EVC2: variants seen among roughly 807,000 people sequenced by gnomAD.
EVC2 encodes the protein limbin.
In EVC2, 148 loss-of-function variants were observed where a neutral mutation model predicts 149.3. That is an observed-to-expected ratio of 0.99 (90% confidence interval 0.87 to 1.14). The LOEUF (loss-of-function observed/expected upper bound fraction) is 1.14. Among genes scored for constraint, EVC2 ranks in the 50% most tolerant of loss-of-function variants. The pLI is 0.00. For missense variants in EVC2, 1,854 were observed against 1,627.3 expected, an observed-to-expected ratio of 1.14 and a Z score of -2.40; for synonymous variants, 776 against 649.9, an observed-to-expected ratio of 1.19 and a Z score of -2.95.
intron 19 of EVC2, among the ~76,000 whole-genome samples, chr4:5,568,881 C>A (rs914919566): frequency 6.6e-6 from 1 of 152,166 alleles, no homozygotes; most frequent in African/African-American, 2.4e-5. Flanking sequence ...TCTCAAGTCA[C>A]TGGGGCAGTA....
At chr4:5,593,416 T>C (rs1214053712) in intron 16 of EVC2, among the ~76,000 whole-genome samples, 2 of 152,216 alleles carry the variant, frequency 1.3e-5, no homozygotes, top group African/African-American at 4.8e-5. Context: ...TTATGCTCCT[T>C]GGTTAAATTC....
chr4:5,705,572 GTT>G (rs927097200), intron 1 of EVC2, among the ~76,000 whole-genome samples: 1 of 141,894 alleles, frequency 7.0e-6, no homozygotes, highest in African/African-American at 3.1e-5. Flanking sequence ...AACTAAAACT[GTT>G]TTATTTTCTA....
rs527666157 is a variant in EVC2, at chr4:5,618,377, G to C, written c.2706+101C>G. 1.1e-5 allele frequency: 14 copies of C among 1,323,804 alleles called. No individual in the cohort carries two copies. The African/African-American group carries it at 1.6e-4, about 15-fold the overall frequency. The allele number at this position is 1,323,804 out of a possible 1,614,324, so 82.0% of individuals were successfully genotyped here. On this transcript the variant is annotated intron_variant, in intron 15 of 21. Transcript: ENST00000344408. The surrounding 1 kb of genome is among the most constrained non-coding windows in gnomAD (Gnocchi z 4.4). ...GAGAGGAGAGGATAGGGGAGCATGA[G>C]GTGAGATGGGCTCAGGCTGGGGAAG... is the stretch of plus-strand genomic sequence containing the variant.
chr4:5,633,693 G>A lies in EVC2; in HGVS notation c.1471-1661C>T, dbSNP rs1268120171. Among the ~76,000 whole-genome samples, 1 of 152,256 alleles carries A rather than the reference G, an allele frequency of 6.6e-6. No homozygotes were observed. The highest frequency in any genetic ancestry group is 1.5e-5 in the Non-Finnish European group (1 of 68,048). On this transcript the variant is annotated intron_variant, in intron 10 of 21. Transcript: ENST00000344408. This position sits in a 1 kb window ranked among gnomAD's most constrained non-coding sequence, Gnocchi z 4.4. ...AGGTGTGGCATCATGCCATGGCTGG[G>A]CTGAGTAGAAGCCCGAGGAAGGCAG...
At chr4:5,661,752 T>C (rs1718886868) in intron 9 of EVC2, among the ~76,000 whole-genome samples, 1 of 152,202 alleles carries the variant, frequency 6.6e-6, no homozygotes, top group South Asian at 2.1e-4. Flanking sequence ...AGGAGAAATC[T>C]TGGGCAATGA....
At chr4:5,659,059 A>G (rs1473259291) in intron 9 of EVC2, among the ~76,000 whole-genome samples, 4 of 152,186 alleles carry the variant, frequency 2.6e-5, no homozygotes. Flanking sequence ...ACAGCCTATG[A>G]ATAAGCAATG....
At chr4:5,608,489 T>G (rs1056355168) in intron 16 of EVC2, among the ~76,000 whole-genome samples, 3 of 152,020 alleles carry the variant, frequency 2.0e-5, no homozygotes, top group African/African-American at 7.2e-5. Flanking sequence ...TATTTTGGGG[T>G]GTGTCTGTGT....
chr4:5,568,812 G>A lies in EVC2; in HGVS notation c.3361-172C>T, dbSNP rs56739291. ...AGAGCTGTCAAAAAAAACCTATTTG[G>A]TCAGCAACCTTGGCTCCCCAGGACG... On this transcript the variant is annotated intron_variant, in intron 19 of 21. Coordinates refer to ENST00000344408, the MANE Select transcript of EVC2 (RefSeq NM_147127.5). Among the ~76,000 whole-genome samples, 11,801 of 152,138 alleles carry A rather than the reference G, an allele frequency of 0.078. 795 individuals are homozygous for A. Among genetic ancestry groups the A allele is most frequent in the African/African-American group, 0.17 (7,118 of 41,498 alleles).
At chr4:5,565,083 C>T (rs1000263010) in intron 21 of EVC2, among the ~76,000 whole-genome samples, 175 bp downstream of exon 21, 1 of 152,226 alleles carries the variant, frequency 6.6e-6, no homozygotes, top group Admixed American at 6.5e-5. Flanking sequence ...GCCACAAGCT[C>T]ATCTTCAGCT....
rs2108833246 is a variant in EVC2 at position 5,618,553 on chromosome 4, C to A, written c.2631G>T (p.Leu877=). 7 of 1,614,174 alleles carry A rather than the reference C, an allele frequency of 4.3e-6. No individual in the cohort carries two copies. The highest frequency in any genetic ancestry group is 5.9e-6 in the Non-Finnish European group (7 of 1,180,040). Residue 877 remains leucine, a synonymous_variant, in exon 15 of 22, where the codon CTG becomes CTT. Coordinates refer to ENST00000344408, the MANE Select transcript of EVC2 (RefSeq NM_147127.5). This position sits in a 1 kb window ranked among gnomAD's most constrained non-coding sequence, Gnocchi z 4.4. ...ALPKIRARVL[L]QQFQTAWREA... ...CTCGCCACGCAGTCTGAAATTGCTG[C>A]AGCAGAACTCGGGCCCGGATCTTGG...
At chr4:5,539,009 T>G (rs1307411381), downstream of EVC2, among the ~76,000 whole-genome samples, 1 of 152,168 alleles carries the variant, frequency 6.6e-6, no homozygotes, top group Non-Finnish European at 1.5e-5. Flanking sequence ...AATTTAAAAC[T>G]GTCTTTATTC....
Position 5,599,271 on chromosome 4 carries a change from C to T in EVC2, c.2830-14421G>A, listed in dbSNP as rs534436964. ...ATGCTGCTATAAAGACACATGCACA[C>T]GTATGTTGATTGTGGCACTATTCAC... On this transcript the variant is annotated intron_variant, in intron 16 of 21. Coordinates refer to ENST00000344408, the MANE Select transcript of EVC2 (RefSeq NM_147127.5). Among the ~76,000 whole-genome samples, 39 of 151,336 alleles carry T rather than the reference C, an allele frequency of 2.6e-4. 1 individual carries two copies. In the Middle Eastern group the frequency reaches 0.014, roughly 53 times the overall value.
chr4:5,661,303 C>G lies in EVC2; in HGVS notation c.1145+1804G>C, dbSNP rs143129655. Among the ~76,000 whole-genome samples, 1,305 of 152,204 alleles carry G rather than the reference C, an allele frequency of 8.6e-3. 12 individuals carry two copies. Among genetic ancestry groups the G allele is most frequent in the Non-Finnish European group, 0.013 (875 of 67,998 alleles). On this transcript the variant is annotated intron_variant, in intron 9 of 21. Coordinates refer to ENST00000344408, the MANE Select transcript of EVC2 (RefSeq NM_147127.5). ...AGAATTTGATCTGGGAGAAATGAAG[C>G]CCAGCTTTGAATGATCTCAATCTCT...
At chr4:5,531,505 T>A in the EVC2 span, among the ~76,000 whole-genome samples, 1 of 152,148 alleles carries the variant, frequency 6.6e-6, no homozygotes, top group Non-Finnish European at 1.5e-5. Flanking sequence ...CGAAGTTTCA[T>A]CTGTATTGAC....
rs545238472 is a variant in EVC2, at chr4:5,608,106, A to G, written c.2829+7316T>C. On this transcript the variant is annotated intron_variant, in intron 16 of 21. Coordinates refer to ENST00000344408, the MANE Select transcript of EVC2 (RefSeq NM_147127.5). ...GGTGTGGCTGCGGACAATTTTCCCA[A>G]TGCCTCCTGGCCTCTCTTTCCCCTT... Among the ~76,000 whole-genome samples the G allele has an allele frequency of 2.0e-5, 3 of 152,232 alleles. No homozygotes were observed. In the East Asian group the frequency reaches 5.8e-4, roughly 29 times the overall value.
intron 7 of EVC2, among the ~76,000 whole-genome samples, chr4:5,680,366 A>G (rs1415105528): frequency 2.6e-5 from 4 of 152,222 alleles, no homozygotes; most frequent in African/African-American, 9.6e-5. Context: ...CACCAGAATC[A>G]CCAAACAGGT....
At chr4:5,623,789 C>T (rs1452717590) in intron 13 of EVC2, among the ~76,000 whole-genome samples, 1 of 152,194 alleles carries the variant, frequency 6.6e-6, no homozygotes, top group East Asian at 1.9e-4. Context: ...TGACCCAAAG[C>T]AGGTATTTTA....
chr4:5,684,586 G>C (rs2151727322), intron 6 of EVC2, among the ~76,000 whole-genome samples: 2 of 100,062 alleles, frequency 2.0e-5, no homozygotes, highest in Admixed American at 2.2e-4. Flanking sequence ...GGGGTGTGCA[G>C]CACCTGCCAG....
chr4:5,548,076 A>G (rs1721654791), intron 21 of EVC2, among the ~76,000 whole-genome samples: 1 of 152,030 alleles, frequency 6.6e-6, no homozygotes, highest in Non-Finnish European at 1.5e-5. Flanking sequence ...GGTGTGCCTG[A>G]CTGTGCACGG....
Sources: gnomAD v4.1 joint callset for allele counts (sites outside exome capture counted in the v4.1 genomes callset) on GRCh38, gnomAD v4.1.1 for gene constraint, Gnocchi (gnomAD v3.1) non-coding constraint, MANE v1.5 for transcripts, NCBI Gene and HGNC (gene_info 2026-07-23, HGNC 2026-07-21) for gene names.